Variants in CALML4 observed in about 807,000 individuals in gnomAD.
The protein encoded by CALML4 is calmodulin like 4.
Under a neutral mutation model 17.9 loss-of-function variants are expected in CALML4, and 16 were observed. The ratio of observed to expected loss-of-function variants is 0.89; its 90% CI spans 0.61 to 1.36. The LOEUF is 1.36. Among genes scored for constraint, CALML4 ranks in the 40% most tolerant of loss-of-function variants. The pLI, the probability that CALML4 is intolerant of heterozygous loss-of-function variation, is 0.00. For synonymous variants in CALML4, 86 were observed against 71.5 expected (o/e 1.20, Z -1.02); for missense variants, 203 against 194.8 (o/e 1.04, Z -0.25).
chr15:68,194,403 A>AAAAC (rs1000546011), intron 4 of CALML4, among the ~76,000 whole-genome samples: 7 of 140,076 alleles, frequency 5.0e-5, no homozygotes, highest in African/African-American at 2.0e-4. Flanking sequence ...TTTTTTTTTT[A>AAAAC]AAACAGTTTC....
At chr15:68,196,667 C>G (rs1390606540) in intron 4 of CALML4, among the ~76,000 whole-genome samples, 1 of 152,124 alleles carries the variant, frequency 6.6e-6, no homozygotes, top group Non-Finnish European at 1.5e-5. Flanking sequence ...GGTCCGCAGG[C>G]TGGAAGAACA....
At chr15:68,205,494 G>C, upstream of CALML4, 2 of 1,272,180 alleles carry the variant, frequency 1.6e-6, no homozygotes, top group East Asian at 5.0e-5. The surrounding 1 kb of genome is among the most constrained non-coding windows in gnomAD (Gnocchi z 4.8). Context: ...CTCTCCCTGG[G>C]CTCAGAGTCT....
chr15:68,202,807 CTT>C (rs35057668), intron 2 of CALML4, among the ~76,000 whole-genome samples: 1 of 95,030 alleles, frequency 1.1e-5, no homozygotes, highest in Admixed American at 1.1e-4. Flanking sequence ...CCATGACCGG[CTT>C]TTTTTTTTTT....
At position 68,191,814 on chromosome 15, in the gene CALML4, C is replaced by T. The variant is rs1162816388; in HGVS notation, c.*2201G>A. On this transcript the variant is annotated 3_prime_UTR_variant, in exon 5 of 5. Transcript: ENST00000467889. The stretch of plus-strand genomic sequence containing the variant: ...ACCAGGACCAGGAGTAAGGTAACAG[C>T]CCTTCCTCGGGTAGAGGTTTGAATC... The T allele has an allele frequency of 6.6e-6, 1 of 152,178 alleles. No homozygotes were observed. The highest frequency in any genetic ancestry group is 1.5e-5 in the Non-Finnish European group (1 of 68,056). The allele number at this position is 152,178 out of a possible 1,614,324, so 9.4% of individuals were successfully genotyped here. A position where few individuals can be genotyped will look rare whatever the true frequency, so the allele number is the denominator to read the frequency against.
intron 4 of CALML4, 50 bp from the exon 5 acceptor site, chr15:68,194,162 T>C: frequency 2.0e-6 from 3 of 1,487,448 alleles, no homozygotes; most frequent in Non-Finnish European, 2.8e-6. Context: ...TGTTCCATTA[T>C]AAAACAGTGA....
chr15:68,200,301 C>T lies in CALML4; in HGVS notation c.35-620G>A, dbSNP rs2093161419. The stretch of plus-strand genomic sequence containing the variant: ...GCATTTCTGAGCCTATTGCCCCTGC[C>T]CTGGCCTCCAGGCTGCTAAACCCTC... On this transcript the variant is annotated intron_variant, in intron 2 of 4. Transcript: ENST00000467889. The surrounding 1 kb of genome is among the most constrained non-coding windows in gnomAD (Gnocchi z 4.3). Among the ~76,000 whole-genome samples, 1 of 152,216 alleles carries T rather than the reference C, an allele frequency of 6.6e-6. No individual in the cohort carries two copies. Among genetic ancestry groups the T allele is most frequent in the Admixed American group, 6.5e-5 (1 of 15,290 alleles).
chr15:68,199,736 C>T (rs2093159147), intron 2 of CALML4, 55 bp from the exon 3 acceptor site: 18 of 1,562,524 alleles, frequency 1.2e-5, no homozygotes, highest in East Asian at 2.3e-5. Flanking sequence ...CCGCCCATGC[C>T]GCCCTCCCCA....
Position 68,192,024 on chromosome 15 carries a change from A to C in CALML4, c.*1991T>G, listed in dbSNP as rs1261886933. On this transcript the variant is annotated 3_prime_UTR_variant, in exon 5 of 5. Coordinates refer to ENST00000467889, the MANE Select transcript of CALML4 (RefSeq NM_033429.3). ...CTTGCTTTAAAACCATACTGGGACT[A>C]TTCAGTGATAAATATAGACATAGAA... 1 of 152,258 alleles carries C rather than the reference A, an allele frequency of 6.6e-6. No individual in the cohort carries two copies. The highest frequency in any genetic ancestry group is 1.5e-5 in the Non-Finnish European group (1 of 68,044). 9.4% of individuals were successfully genotyped at this position (152,258 alleles called of 1,614,324 possible).
At position 68,193,895 on chromosome 15, in the gene CALML4, T is replaced by C; in HGVS notation, c.*120A>G. 3 of 659,068 alleles carry C rather than the reference T, an allele frequency of 4.6e-6. No homozygotes were observed. The highest frequency in any genetic ancestry group is 8.2e-6 in the Non-Finnish European group (3 of 367,136). The allele number at this position is 659,068 out of a possible 1,614,324, so 40.8% of individuals were successfully genotyped here. A position where few individuals can be genotyped will look rare whatever the true frequency, so the allele number is the denominator to read the frequency against. On this transcript the variant is annotated 3_prime_UTR_variant, in exon 5 of 5. Transcript: ENST00000467889. ...TTGCTAGTTAGCCTCTCTTCTATAG[T>C]TGGGTAATGTTGTCTTGCCACTGTG... is the stretch of plus-strand genomic sequence containing the variant.
In CALML4 at chr15:68,193,488, C is replaced by A. The variant is rs139922666; in HGVS notation, c.*527G>T. 6.5e-6 allele frequency: 1 copy of A among 153,390 alleles called. No individual in the cohort carries two copies. The highest frequency in any genetic ancestry group is 1.5e-5 in the Non-Finnish European group (1 of 68,712). The allele number at this position is 153,390 out of a possible 1,614,324, so 9.5% of individuals were successfully genotyped here. ...GCAAGAATTGTTGTCATAAGTGTTA[C>A]AGCTTTCTGTTCATTGCTGCTTCTC... is the stretch of plus-strand genomic sequence containing the variant. On this transcript the variant is annotated 3_prime_UTR_variant, in exon 5 of 5. Transcript: ENST00000467889.
intron 2 of CALML4, among the ~76,000 whole-genome samples, chr15:68,202,667 G>C (rs1475802898): frequency 7.2e-6 from 1 of 138,796 alleles, no homozygotes; most frequent in Non-Finnish European, 1.5e-5. Flanking sequence ...TTTTTTGAGA[G>C]AGTTTTGCTC....
At chr15:68,205,579 C>CTT, upstream of CALML4, 1 of 616,626 alleles carries the variant, frequency 1.6e-6, no homozygotes. This position sits in a 1 kb window ranked among gnomAD's most constrained non-coding sequence, Gnocchi z 4.8. Context: ...AGGAAGGGGT[C>CTT]TTCTCTCTCT....
chr15:68,199,639 C>T lies in CALML4; in HGVS notation c.77G>A (p.Gly26Glu). ...CFSLYDKQQR[G>E]KIKATDLMVA... The stretch of plus-strand genomic sequence containing the variant: ...CATGAGGTCGGTGGCTTTTATCTTC[C>T]CCCTCTGCTGCTTGTCATACAGGGA... Residue 26 changes from glycine to glutamate, a missense_variant, in exon 3 of 5, where the codon GGG becomes GAG. By Grantham distance (98) the Gly-to-Glu change is moderately conservative. Coordinates refer to ENST00000467889, the MANE Select transcript of CALML4 (RefSeq NM_033429.3). The T allele has an allele frequency of 3.1e-6, 5 of 1,613,474 alleles. No homozygotes were observed. The highest frequency in any genetic ancestry group is 3.4e-6 in the Non-Finnish European group (4 of 1,179,928).
chr15:68,202,891 T>C (rs1240499734), intron 2 of CALML4, among the ~76,000 whole-genome samples: 1 of 148,016 alleles, frequency 6.8e-6, no homozygotes, highest in Admixed American at 6.9e-5. Context: ...CTCGGTTCAC[T>C]GCAACCTCCG....
rs1013339249 is a variant in CALML4 at position 68,204,382 on chromosome 15, C to T, written c.34+739G>A. Among the ~76,000 whole-genome samples the T allele has an allele frequency of 2.6e-5, 4 of 152,194 alleles. No homozygotes were observed. Among genetic ancestry groups the T allele is most frequent in the Non-Finnish European group, 4.4e-5 (3 of 68,036 alleles). On this transcript the variant is annotated intron_variant, in intron 2 of 4. Transcript: ENST00000467889. This position sits in a 1 kb window ranked among gnomAD's most constrained non-coding sequence, Gnocchi z 6.0. ...CTCGGGGGACTCTCAGGCCCATTGA[C>T]GTCCACTGTTGGGACAGGTTTCAGG...
Position 68,201,126 on chromosome 15 carries a change from G to A in CALML4, c.35-1445C>T, listed in dbSNP as rs149659136. Among the ~76,000 whole-genome samples, 148 of 152,302 alleles carry A rather than the reference G, an allele frequency of 9.7e-4. 1 individual carries two copies. In the Middle Eastern group the frequency reaches 0.017, roughly 18 times the overall value. ...GGGGGTCACTAAAGACAGGCAGATCGCCATGTACCATTTAGAGACAAATTC... is the reference window on the plus strand; with the variant it reads ...GGGGGTCACTAAAGACAGGCAGATCACCATGTACCATTTAGAGACAAATTC... On this transcript the variant is annotated intron_variant, in intron 2 of 4. Coordinates refer to ENST00000467889, the MANE Select transcript of CALML4 (RefSeq NM_033429.3).
chr15:68,195,762 G>A (rs796927764), intron 4 of CALML4, among the ~76,000 whole-genome samples: 5 of 152,188 alleles, frequency 3.3e-5, no homozygotes, highest in South Asian at 4.1e-4. Context: ...GAGGGAAATC[G>A]GTGTCCCTGC....
In CALML4 at chr15:68,197,078, T is replaced by A. The variant is rs764074979; in HGVS notation, c.364+362A>T. On this transcript the variant is annotated intron_variant, in intron 4 of 4. Coordinates refer to ENST00000467889, the MANE Select transcript of CALML4 (RefSeq NM_033429.3). The surrounding 1 kb of genome is among the most constrained non-coding windows in gnomAD (Gnocchi z 4.1). ...CTCACTCCCCCTGCTTCTTTATCAGTAGGAGCAGGCATTTGTGCTCCCAGG... is the reference window on the plus strand; with the variant it reads ...CTCACTCCCCCTGCTTCTTTATCAGAAGGAGCAGGCATTTGTGCTCCCAGG... Among the ~76,000 whole-genome samples the A allele has an allele frequency of 1.3e-5, 2 of 152,128 alleles. No individual in the cohort carries two copies. Among genetic ancestry groups the A allele is most frequent in the Non-Finnish European group, 2.9e-5 (2 of 67,994 alleles).
chr15:68,194,128 T>C lies in CALML4; in HGVS notation c.365-16A>G, dbSNP rs1350798473. 8.7e-6 allele frequency: 14 copies of C among 1,603,432 alleles called. No individual in the cohort carries two copies. The Admixed American group carries it at 2.3e-4, about 27-fold the overall frequency. On this transcript the variant is annotated splice_polypyrimidine_tract_variant and intron_variant, in intron 4 of 4. Transcript: ENST00000467889. ...AGATCATCCACTGCAATAAATCACA[T>C]TTAATTTTTCAGTTTGGCTTTAGTG...
Sources: allele counts gnomAD v4.1 joint callset (sites outside exome capture counted in the v4.1 genomes callset), GRCh38; gene constraint gnomAD v4.1.1; non-coding constraint Gnocchi (gnomAD v3.1); transcripts MANE v1.5; gene names NCBI Gene and HGNC (gene_info 2026-07-23, HGNC 2026-07-21).